The following PRKN variants were observed in gnomAD, a reference collection of about 807,000 sequenced individuals.
PRKN encodes the protein E3 ubiquitin-protein ligase parkin.
A neutral mutation model predicts 59.5 loss-of-function variants in PRKN; 56 were observed. That is an observed-to-expected ratio of 0.94 (90% confidence interval 0.76 to 1.18). The LOEUF is 1.18. Among genes scored for constraint, PRKN ranks in the 50% most tolerant of loss-of-function variants. PRKN has a pLI of 0.00. For synonymous variants in PRKN, 250 were observed against 222.1 expected, an observed-to-expected ratio of 1.13 and a Z score of -1.12; for missense variants, 657 against 596.4, an observed-to-expected ratio of 1.10 and a Z score of -1.06.
chr6:162,091,705 T>C (rs1218169602), intron 4 of PRKN, among the ~76,000 whole-genome samples: 3 of 152,164 alleles, frequency 2.0e-5, no homozygotes, highest in African/African-American at 7.2e-5. Flanking sequence ...CTCCACCATA[T>C]TGTGTAGCAC....
At chr6:162,176,821 A>G (rs941948244) in intron 4 of PRKN, among the ~76,000 whole-genome samples, 3 of 152,092 alleles carry the variant, frequency 2.0e-5, no homozygotes, top group Admixed American at 6.6e-5. Flanking sequence ...TGAAAACCCT[A>G]CCTAATGTAT....
intron 7 of PRKN, among the ~76,000 whole-genome samples, chr6:161,743,453 G>A (rs896866139): frequency 6.0e-5 from 9 of 151,050 alleles, no homozygotes; most frequent in Non-Finnish European, 1.0e-4. Context: ...GTTTCACCAC[G>A]TTAGCCAGAA....
At chr6:162,687,588 G>A (rs1777621446) in intron 1 of PRKN, among the ~76,000 whole-genome samples, 1 of 152,078 alleles carries the variant, frequency 6.6e-6, no homozygotes, top group African/African-American at 2.4e-5. Context: ...TCCCCTTACT[G>A]CAGAGGCTAT....
At chr6:161,375,649 T>C (rs1785664580) in intron 10 of PRKN, among the ~76,000 whole-genome samples, 1 of 152,098 alleles carries the variant, frequency 6.6e-6, no homozygotes, top group Admixed American at 6.6e-5. Flanking sequence ...TTGAGCAACT[T>C]GCCTGGAAGA....
At chr6:162,437,780 G>A (rs1042198106) in intron 2 of PRKN, among the ~76,000 whole-genome samples, 1 of 152,134 alleles carries the variant, frequency 6.6e-6, no homozygotes, top group African/African-American at 2.4e-5. Flanking sequence ...TTTTACTGCT[G>A]AGTAATATTC....
At chr6:161,425,692 T>C (rs1265289482) in intron 9 of PRKN, among the ~76,000 whole-genome samples, 1 of 152,146 alleles carries the variant, frequency 6.6e-6, no homozygotes, top group African/African-American at 2.4e-5. Context: ...GAAGTCAAGA[T>C]TACAACTAAG....
Position 162,678,272 on chromosome 6 carries a change from G to A in PRKN, c.7+49390C>T, listed in dbSNP as rs1189125365. Among the ~76,000 whole-genome samples, 4 of 152,160 alleles carry A rather than the reference G, an allele frequency of 2.6e-5. No individual in the cohort carries two copies. The East Asian group carries it at 7.7e-4, about 29-fold the overall frequency. On this transcript the variant is annotated intron_variant, in intron 1 of 11. Coordinates refer to ENST00000366898, the MANE Select transcript of PRKN (RefSeq NM_004562.3). ...AAAGCTGCTATGGATACTTGTATGT[G>A]AGTCTTTGCATGAACATATGTTTTC...
At chr6:161,604,878 C>T (rs1035392961) in intron 7 of PRKN, among the ~76,000 whole-genome samples, 3 of 152,028 alleles carry the variant, frequency 2.0e-5, no homozygotes, top group Non-Finnish European at 4.4e-5. Flanking sequence ...GAGGTTGCAG[C>T]GAGCTGAAAT....
chr6:162,272,364 CTTTAAGT>C (rs1444512349), intron 2 of PRKN, among the ~76,000 whole-genome samples: 1 of 151,964 alleles, frequency 6.6e-6, no homozygotes, highest in African/African-American at 2.4e-5. Flanking sequence ...CTTCTTTTTT[CTTTAAGT>C]ATTATTTTAT....
At chr6:161,827,564 C>T (rs1225770098) in intron 6 of PRKN, among the ~76,000 whole-genome samples, 1 of 136,510 alleles carries the variant, frequency 7.3e-6, no homozygotes, top group Admixed American at 7.9e-5. Flanking sequence ...GGCTGGAGTG[C>T]AGTGGCGTGA....
chr6:161,688,485 T>C (rs1785651080), intron 7 of PRKN, among the ~76,000 whole-genome samples: 1 of 152,250 alleles, frequency 6.6e-6, no homozygotes, highest in South Asian at 2.1e-4. Flanking sequence ...AAAAAGACTA[T>C]TGCATTTTTA....
chr6:162,031,454 C>G (rs1783635007), intron 5 of PRKN, among the ~76,000 whole-genome samples: 1 of 151,734 alleles, frequency 6.6e-6, no homozygotes, highest in South Asian at 2.1e-4. Context: ...ATAGTCAAAG[C>G]TTATTTACAA....
intron 1 of PRKN, among the ~76,000 whole-genome samples, chr6:162,643,219 G>A (rs1181397233): frequency 6.6e-6 from 1 of 151,884 alleles, no homozygotes; most frequent in Non-Finnish European, 1.5e-5. Context: ...GCAACATGGT[G>A]AAACCCCGTC....
At chr6:162,467,788 C>T (rs1224989030) in intron 1 of PRKN, among the ~76,000 whole-genome samples, 2 of 151,346 alleles carry the variant, frequency 1.3e-5, no homozygotes, top group Admixed American at 6.6e-5. Flanking sequence ...TCCCACTTGT[C>T]CTCCAGCCTC....
At chr6:162,246,977 A>G (rs1434991415) in intron 3 of PRKN, among the ~76,000 whole-genome samples, 2 of 152,180 alleles carry the variant, frequency 1.3e-5, no homozygotes, top group African/African-American at 4.8e-5. Flanking sequence ...ATAAACAGAC[A>G]TAATATTTAG....
chr6:162,183,732 G>C (rs1403120360), intron 4 of PRKN, among the ~76,000 whole-genome samples: 1 of 152,082 alleles, frequency 6.6e-6, no homozygotes, highest in Non-Finnish European at 1.5e-5. Flanking sequence ...TCTAAGCTTT[G>C]GGCTCAATAG....
intron 1 of PRKN, among the ~76,000 whole-genome samples, chr6:162,589,190 A>T (rs1781197630): frequency 1.3e-5 from 2 of 152,208 alleles, no homozygotes; most frequent in African/African-American, 2.4e-5. Flanking sequence ...GCCATAAAGC[A>T]ACACAAACAC....
Position 161,795,173 on chromosome 6 carries a change from C to T in PRKN, c.735-9265G>A, listed in dbSNP as rs560175070. ...TGCTGGGATTACAGGCATGAGTCAC[C>T]GTGCCTGGCCTAACTTAGTATTATT... is the stretch of plus-strand genomic sequence containing the variant. On this transcript the variant is annotated intron_variant, in intron 6 of 11. Coordinates refer to ENST00000366898, the MANE Select transcript of PRKN (RefSeq NM_004562.3). 2.0e-3 allele frequency among the ~76,000 whole-genome samples: 302 copies of T among 151,354 alleles called. 2 individuals carry two copies. Among genetic ancestry groups the T allele is most frequent in the African/African-American group, 7.0e-3 (289 of 41,290 alleles).
chr6:162,590,376 C>T (rs1164880994), intron 1 of PRKN, among the ~76,000 whole-genome samples: 4 of 152,128 alleles, frequency 2.6e-5, no homozygotes, highest in Admixed American at 1.3e-4. Flanking sequence ...ACATACTAAA[C>T]GAAAAGCAAA....
Sources: gnomAD v4.1 joint callset for allele counts (sites outside exome capture counted in the v4.1 genomes callset) on GRCh38, gnomAD v4.1.1 for gene constraint, MANE v1.5 for transcripts, NCBI Gene and HGNC (gene_info 2026-07-23, HGNC 2026-07-21) for gene names.